Variants in GOLM2 observed in about 807,000 individuals in gnomAD.
GOLM2 encodes the protein golgi membrane protein 2, also known as protein GOLM2.
Under a neutral mutation model 55.9 loss-of-function variants are expected in GOLM2, and 26 were observed. The ratio of observed to expected loss-of-function variants is 0.47; its 90% confidence interval spans 0.34 to 0.65. The LOEUF (loss-of-function observed/expected upper bound fraction) is 0.65, where lower values mean the gene tolerates loss of function less well. GOLM2 is among the 30% of genes least tolerant of loss of function. The probability of loss-of-function intolerance (pLI) is 0.01; values close to 1 mark genes in which losing one functional copy is unlikely to be tolerated. For missense variants in GOLM2, 486 were observed against 531.8 expected, an observed-to-expected ratio of 0.91 and a Z score of 0.85; for synonymous variants, 165 against 194.6, an observed-to-expected ratio of 0.85 and a Z score of 1.27.
At chr15:44,300,336 T>C (rs548676158) in intron 1 of GOLM2, among the ~76,000 whole-genome samples, 74 of 152,288 alleles carry the variant, frequency 4.9e-4, no homozygotes, top group African/African-American at 1.7e-3. Flanking sequence ...TTGACAAAAA[T>C]TTATTAAATA....
chr15:44,384,925 T>A (rs2079431742), intron 8 of GOLM2, among the ~76,000 whole-genome samples: 1 of 151,080 alleles, frequency 6.6e-6, no homozygotes, highest in Admixed American at 6.6e-5. Context: ...AAAAAAAAAA[T>A]CATACAGTAT....
rs545905955 is a variant in GOLM2 at position 44,415,488 on chromosome 15, C to G, written c.*2082C>G. On this transcript the variant is annotated 3_prime_UTR_variant, in exon 10 of 10. Transcript: ENST00000299957. ...CAGCAACATTTCTTCAATTAGCAGTCTAGACATTTTATAAACAGAAATCTT... is the reference window on the plus strand; with the variant it reads ...CAGCAACATTTCTTCAATTAGCAGTGTAGACATTTTATAAACAGAAATCTT... 6.5e-6 allele frequency: 1 copy of G among 152,672 alleles called. No individual in the cohort carries two copies. The highest frequency in any genetic ancestry group is 1.9e-4 in the East Asian group (1 of 5,186). 9.5% of individuals were successfully genotyped at this position (152,672 alleles called of 1,614,324 possible). A position where few individuals can be genotyped will look rare whatever the true frequency, so the allele number is the denominator to read the frequency against.
chr15:44,312,762 C>G (rs908456602), intron 1 of GOLM2, among the ~76,000 whole-genome samples: 6 of 151,784 alleles, frequency 4.0e-5, no homozygotes, highest in Non-Finnish European at 7.4e-5. Context: ...CCTGGCCAAC[C>G]TGGTGAAACC....
intron 9 of GOLM2, among the ~76,000 whole-genome samples, chr15:44,408,403 A>G (rs183387019): frequency 1.2e-4 from 18 of 152,298 alleles, no homozygotes; most frequent in Admixed American, 3.3e-4. Context: ...TCTGAAAACA[A>G]TGTGAAGATA....
At chr15:44,341,085 T>C (rs1044579720) in intron 6 of GOLM2, among the ~76,000 whole-genome samples, 2 of 148,970 alleles carry the variant, frequency 1.3e-5, no homozygotes, top group African/African-American at 4.9e-5. Flanking sequence ...TTCTCTTTTT[T>C]TTTTTTTTTT....
intron 6 of GOLM2, among the ~76,000 whole-genome samples, chr15:44,360,030 C>A (rs1007715297): frequency 6.6e-6 from 1 of 151,890 alleles, no homozygotes; most frequent in African/African-American, 2.4e-5. Context: ...CCAGGCCTGC[C>A]CTAAAAGAGC....
At chr15:44,363,645 G>A (rs1488010304) in intron 6 of GOLM2, among the ~76,000 whole-genome samples, 1 of 152,112 alleles carries the variant, frequency 6.6e-6, no homozygotes, top group East Asian at 1.9e-4. Flanking sequence ...CGATTCCTCA[G>A]GGATCTAGAA....
intron 4 of GOLM2, 50 bp downstream of exon 4, chr15:44,332,128 G>T: frequency 1.1e-6 from 1 of 916,244 alleles, no homozygotes; most frequent in Non-Finnish European, 1.6e-6. Flanking sequence ...TATAAATCAT[G>T]GTAATTTAGA....
intron 6 of GOLM2, 23 bp from the exon 7 acceptor site, chr15:44,379,667 T>A: frequency 9.6e-7 from 1 of 1,038,474 alleles, no homozygotes. Context: ...GGGAATAATA[T>A]GGATTTATTT....
At chr15:44,294,897 A>C (rs1018994729) in intron 1 of GOLM2, among the ~76,000 whole-genome samples, 152 of 146,990 alleles carry the variant, frequency 1.0e-3, no homozygotes, top group Non-Finnish European at 1.8e-3. Flanking sequence ...CTGTCTCACA[A>C]AAAAAAAAAA....
At chr15:44,401,325 C>T (rs1179358545) in intron 8 of GOLM2, among the ~76,000 whole-genome samples, 2 of 151,864 alleles carry the variant, frequency 1.3e-5, no homozygotes, top group East Asian at 3.9e-4. Context: ...AGTACAGTGG[C>T]AATATCCTAA....
At position 44,327,140 on chromosome 15, in the gene GOLM2, A is replaced by G. The variant is rs375232791; in HGVS notation, c.383-1545A>G. Among the ~76,000 whole-genome samples the G allele has an allele frequency of 2.0e-5, 3 of 148,614 alleles. No individual in the cohort carries two copies. In the South Asian group the frequency reaches 6.5e-4, roughly 32 times the overall value. On this transcript the variant is annotated intron_variant, in intron 2 of 9. Transcript: ENST00000299957. ...TAATTTTTGTATTTTTAGTAGAGAC[A>G]TGGTTTTACCATGTTGGCCAGGCTG...
chr15:44,341,689 A>C (rs1383637185), intron 6 of GOLM2, among the ~76,000 whole-genome samples: 3 of 147,626 alleles, frequency 2.0e-5, no homozygotes, highest in African/African-American at 5.0e-5. Flanking sequence ...CAATTTTATT[A>C]GATTTTTTTT....
At chr15:44,370,373 A>G (rs2079321905) in intron 6 of GOLM2, among the ~76,000 whole-genome samples, 1 of 152,074 alleles carries the variant, frequency 6.6e-6, no homozygotes, top group East Asian at 1.9e-4. Flanking sequence ...ATGGCCTTTA[A>G]CTCTAGAGTG....
At chr15:44,295,925 C>T (rs1400693486) in intron 1 of GOLM2, among the ~76,000 whole-genome samples, 2 of 151,820 alleles carry the variant, frequency 1.3e-5, no homozygotes, top group Non-Finnish European at 2.9e-5. Flanking sequence ...CATACACACA[C>T]ACACACACAC....
intron 1 of GOLM2, among the ~76,000 whole-genome samples, chr15:44,292,455 C>T (rs2078727955): frequency 1.3e-5 from 2 of 152,220 alleles, no homozygotes; most frequent in East Asian, 3.9e-4. Context: ...CTTGGCCTCC[C>T]AAAGTGCTGA....
At chr15:44,317,910 T>C (rs1208385941) in intron 1 of GOLM2, among the ~76,000 whole-genome samples, 2 of 152,180 alleles carry the variant, frequency 1.3e-5, no homozygotes, top group East Asian at 3.8e-4. Flanking sequence ...TTTACGCCTG[T>C]ATATAATCAA....
intron 1 of GOLM2, among the ~76,000 whole-genome samples, chr15:44,311,685 TGTCACCCA>T (rs781576928): frequency 1.3e-4 from 20 of 152,148 alleles, no homozygotes; most frequent in Admixed American, 3.3e-4. Flanking sequence ...AGTCTCTCCC[TGTCACCCA>T]GGCTGGAGTG....
chr15:44,366,746 G>A (rs75192746), intron 6 of GOLM2, among the ~76,000 whole-genome samples: 2,322 of 152,012 alleles, frequency 0.015, 60 homozygotes, highest in East Asian at 0.094. Context: ...CCTGTAATCC[G>A]AACAGTTTGG....
Sources: allele counts gnomAD v4.1 joint callset (sites outside exome capture counted in the v4.1 genomes callset), GRCh38; gene constraint gnomAD v4.1.1; transcripts MANE v1.5; gene names NCBI Gene and HGNC (gene_info 2026-07-23, HGNC 2026-07-21).